Variants in EYS observed in about 807,000 individuals in gnomAD.
EYS encodes protein eyes shut homolog.
Under a neutral mutation model 282.1 loss-of-function variants are expected in EYS, and 250 were observed. That is an observed-to-expected ratio of 0.89 (90% CI 0.80 to 0.98). The LOEUF is 0.98. EYS is among the 50% of genes least tolerant of loss of function. The pLI, the probability that EYS is intolerant of heterozygous loss-of-function variation, is 0.00. For missense variants in EYS, 4,016 were observed against 3,709.0 expected, an observed-to-expected ratio of 1.08 and a Z score of -2.15; for synonymous variants, 1,355 against 1,282.9, an observed-to-expected ratio of 1.06 and a Z score of -1.20.
At chr6:65,413,738 C>A (rs1767118738) in intron 5 of EYS, among the ~76,000 whole-genome samples, 1 of 151,974 alleles carries the variant, frequency 6.6e-6, no homozygotes, top group South Asian at 2.1e-4. Flanking sequence ...CACCTGTAAC[C>A]CCTGCTACTC....
At chr6:63,848,891 C>T (rs550322136) in intron 36 of EYS, among the ~76,000 whole-genome samples, 14 of 152,282 alleles carry the variant, frequency 9.2e-5, no homozygotes, top group East Asian at 7.8e-4. Flanking sequence ...TCTTGCTCAG[C>T]GGATCCCACC....
chr6:63,997,197 A>C (rs1280979773), intron 34 of EYS, among the ~76,000 whole-genome samples: 1 of 152,140 alleles, frequency 6.6e-6, no homozygotes, highest in Non-Finnish European at 1.5e-5. Flanking sequence ...TCCTACTGTA[A>C]TAATAGAGGA....
At chr6:65,680,512 A>C (rs1768777816) in intron 1 of EYS, among the ~76,000 whole-genome samples, 1 of 151,978 alleles carries the variant, frequency 6.6e-6, no homozygotes. Context: ...AATGACAGTA[A>C]AGTAAACTAG....
intron 26 of EYS, among the ~76,000 whole-genome samples, chr6:64,539,110 T>G (rs186142220): frequency 6.6e-6 from 1 of 152,344 alleles, no homozygotes; most frequent in Non-Finnish European, 1.5e-5. Flanking sequence ...CTGTGCATGT[T>G]GCAGTTGTTG....
intron 31 of EYS, among the ~76,000 whole-genome samples, chr6:64,095,680 C>A (rs1045312081): frequency 1.3e-5 from 2 of 152,152 alleles, no homozygotes; most frequent in Admixed American, 1.3e-4. Context: ...CTGAATACAG[C>A]ACACTGATGG....
intron 36 of EYS, among the ~76,000 whole-genome samples, chr6:63,826,374 C>T (rs1031344614): frequency 2.6e-5 from 4 of 152,110 alleles, no homozygotes; most frequent in Non-Finnish European, 5.9e-5. Flanking sequence ...CATCCAAATA[C>T]AAGAAGCACA....
intron 28 of EYS, among the ~76,000 whole-genome samples, chr6:64,417,669 GGC>G (rs1476652435): frequency 8.5e-6 from 1 of 118,062 alleles, no homozygotes; most frequent in Non-Finnish European, 1.6e-5. Context: ...TGTAAGGGTT[GGC>G]TTTTTTTTTT....
In EYS at chr6:64,313,133, A is replaced by C. The variant is rs548568017; in HGVS notation, c.6079-6051T>G. Reference sequence around the variant, plus strand: ...ACAATGCAAGGAAGCTAAGAACCTTAAAAACAGGTTAAACGAATTGCTAAC... The same window carrying C: ...ACAATGCAAGGAAGCTAAGAACCTTCAAAACAGGTTAAACGAATTGCTAAC... On this transcript the variant is annotated intron_variant, in intron 29 of 42. Coordinates refer to ENST00000503581, the MANE Select transcript of EYS (RefSeq NM_001142800.2). Among the ~76,000 whole-genome samples, 5 of 152,328 alleles carry C rather than the reference A, an allele frequency of 3.3e-5. No homozygotes were observed. In the South Asian group the frequency reaches 8.3e-4, roughly 25 times the overall value.
chr6:65,373,550 C>T (rs1437355202), intron 8 of EYS, among the ~76,000 whole-genome samples: 1 of 151,924 alleles, frequency 6.6e-6, no homozygotes, highest in Non-Finnish European at 1.5e-5. Context: ...TCAGAAAACA[C>T]ATAAAAATTA....
intron 22 of EYS, among the ~76,000 whole-genome samples, chr6:64,808,167 T>C (rs916622117): frequency 6.6e-6 from 1 of 151,570 alleles, no homozygotes; most frequent in African/African-American, 2.4e-5. Flanking sequence ...ATGATCACGA[T>C]ATAGCACACT....
chr6:63,765,951 G>T, intron 40 of EYS, among the ~76,000 whole-genome samples: 1 of 152,006 alleles, frequency 6.6e-6, no homozygotes, highest in Non-Finnish European at 1.5e-5. Flanking sequence ...CATGACAGGT[G>T]TATAGAAAAT....
chr6:64,218,187 A>G (rs1030640969), intron 31 of EYS, among the ~76,000 whole-genome samples: 1 of 152,030 alleles, frequency 6.6e-6, no homozygotes, highest in African/African-American at 2.4e-5. Flanking sequence ...TGAAATGCCT[A>G]CCTGAGAAAG....
At chr6:65,389,111 A>T (rs1765907627) in intron 7 of EYS, among the ~76,000 whole-genome samples, 3 of 152,106 alleles carry the variant, frequency 2.0e-5, no homozygotes. Flanking sequence ...TTGTGTCTGT[A>T]CAGTTTCCTT....
intron 26 of EYS, among the ~76,000 whole-genome samples, chr6:64,477,491 G>C (rs1208586647): frequency 6.6e-6 from 1 of 152,012 alleles, no homozygotes; most frequent in Non-Finnish European, 1.5e-5. Flanking sequence ...GCCTCATCCT[G>C]TCTGACGTCT....
intron 1 of EYS, among the ~76,000 whole-genome samples, chr6:65,688,375 G>T (rs147777738): frequency 6.6e-6 from 1 of 152,206 alleles, no homozygotes; most frequent in Non-Finnish European, 1.5e-5. Context: ...AAACTGGCTG[G>T]CCATATGTAG....
At chr6:65,442,336 A>T (rs1220835248) in intron 5 of EYS, among the ~76,000 whole-genome samples, 2 of 152,058 alleles carry the variant, frequency 1.3e-5, no homozygotes, top group Admixed American at 6.6e-5. Flanking sequence ...ATGGGCTTAG[A>T]ATTCTAAATT....
chr6:65,636,137 C>G (rs1586655), intron 2 of EYS, among the ~76,000 whole-genome samples: 20,450 of 152,186 alleles, frequency 0.13, 1,540 homozygotes, highest in South Asian at 0.29. Flanking sequence ...GGCCTATTCT[C>G]TATACCTCAG....
chr6:64,986,657 T>C (rs1014825552), intron 14 of EYS, among the ~76,000 whole-genome samples: 4 of 150,184 alleles, frequency 2.7e-5, no homozygotes, highest in Admixed American at 1.3e-4. Context: ...GAAACAATTA[T>C]AAGGGCCAAA....
chr6:64,513,311 C>T (rs776161859), intron 26 of EYS, among the ~76,000 whole-genome samples: 18 of 151,832 alleles, frequency 1.2e-4, no homozygotes, highest in Non-Finnish European at 1.8e-4. Context: ...CATTGTTAAA[C>T]GTACTGTTTT....
Sources: gnomAD v4.1 joint callset for allele counts (sites outside exome capture counted in the v4.1 genomes callset) on GRCh38, gnomAD v4.1.1 for gene constraint, MANE v1.5 for transcripts, NCBI Gene and HGNC (gene_info 2026-07-23, HGNC 2026-07-21) for gene names.